WWOX: variants seen among roughly 807,000 people sequenced by gnomAD.
WWOX encodes WW domain-containing oxidoreductase.
WWOX carries 69 observed loss-of-function variants against 46.2 expected under a neutral mutation model. The ratio of observed to expected loss-of-function variants is 1.49; its 90% confidence interval spans 1.23 to 1.82. The LOEUF is 1.82. Ranked by LOEUF, WWOX falls within the 40% of genes most tolerant of loss-of-function variation. The pLI is 0.00. For synonymous variants in WWOX, 359 were observed against 202.6 expected, an observed-to-expected ratio of 1.77 and a Z score of -6.56; for missense variants, 919 against 542.6, an observed-to-expected ratio of 1.69 and a Z score of -6.89.
intron 8 of WWOX, among the ~76,000 whole-genome samples, chr16:78,823,339 G>A (rs746277771): frequency 7.2e-5 from 11 of 152,156 alleles, no homozygotes; most frequent in Non-Finnish European, 1.5e-4. Context: ...TGTGTCAGCC[G>A]CCTGTGTGAA....
intron 8 of WWOX, among the ~76,000 whole-genome samples, chr16:78,448,075 A>G (rs924525124): frequency 6.6e-6 from 1 of 152,136 alleles, no homozygotes; most frequent in Admixed American, 6.6e-5. Flanking sequence ...ATGTGTTGGG[A>G]TTACAGGTGT....
intron 8 of WWOX, among the ~76,000 whole-genome samples, chr16:78,941,206 A>G (rs13337252): frequency 0.23 from 35,213 of 152,080 alleles, 4,388 homozygotes; most frequent in African/African-American, 0.33. Flanking sequence ...GGATAAATCT[A>G]TCATGTAGTG....
chr16:78,274,751 T>G (rs1335228037), intron 5 of WWOX, among the ~76,000 whole-genome samples: 1 of 152,212 alleles, frequency 6.6e-6, no homozygotes, highest in African/African-American at 2.4e-5. Context: ...TAGAATCACC[T>G]TAGACACCTT....
intron 5 of WWOX, among the ~76,000 whole-genome samples, chr16:78,239,971 C>T (rs559365765): frequency 7.0e-6 from 1 of 143,276 alleles, no homozygotes; most frequent in South Asian, 2.3e-4. Flanking sequence ...GTTGGACAGA[C>T]ACAGGCAAGG....
chr16:78,167,549 C>A (rs968291413), intron 5 of WWOX: 1 of 152,164 alleles, frequency 6.6e-6, no homozygotes, highest in Non-Finnish European at 1.5e-5. Context: ...CACGTGGCTC[C>A]AGATGTTTAA....
At chr16:78,635,585 A>C (rs2046547874) in intron 8 of WWOX, among the ~76,000 whole-genome samples, 1 of 152,208 alleles carries the variant, frequency 6.6e-6, no homozygotes. Context: ...TCATCTACAA[A>C]ATGAAGATGT....
intron 8 of WWOX, among the ~76,000 whole-genome samples, chr16:79,058,624 G>A (rs2048307964): frequency 6.6e-6 from 1 of 152,090 alleles, no homozygotes; most frequent in Non-Finnish European, 1.5e-5. Flanking sequence ...CCTAATCCCT[G>A]GAAGGAAAAA....
chr16:79,110,099 C>T (rs1489169222), intron 8 of WWOX, among the ~76,000 whole-genome samples: 2 of 152,180 alleles, frequency 1.3e-5, no homozygotes, highest in African/African-American at 4.8e-5. Context: ...TTAGCAACCT[C>T]ATTGCACCCA....
At chr16:78,747,362 C>T (rs1341128900) in intron 8 of WWOX, among the ~76,000 whole-genome samples, 2 of 151,804 alleles carry the variant, frequency 1.3e-5, no homozygotes, top group Non-Finnish European at 2.9e-5. Context: ...TGTCTAATTT[C>T]TTATCTTTCT....
chr16:78,875,990 C>T (rs1484480973), intron 8 of WWOX, among the ~76,000 whole-genome samples: 2 of 152,104 alleles, frequency 1.3e-5, no homozygotes, highest in East Asian at 1.9e-4. Flanking sequence ...TTGAGTTATA[C>T]CCACTTTAGG....
At chr16:79,063,017 C>G (rs1210696749) in intron 8 of WWOX, among the ~76,000 whole-genome samples, 2 of 152,254 alleles carry the variant, frequency 1.3e-5, no homozygotes, top group Middle Eastern at 3.4e-3. Context: ...TGGCAGGTAC[C>G]CTGCTTGTTG....
At chr16:78,630,230 C>G (rs1303882906) in intron 8 of WWOX, among the ~76,000 whole-genome samples, 2 of 152,156 alleles carry the variant, frequency 1.3e-5, no homozygotes, top group Non-Finnish European at 2.9e-5. Flanking sequence ...GCACTGGGGT[C>G]CTATTTTGCT....
intron 8 of WWOX, among the ~76,000 whole-genome samples, chr16:78,732,842 G>T (rs1567522784): frequency 6.6e-6 from 1 of 152,184 alleles, no homozygotes; most frequent in Non-Finnish European, 1.5e-5. Context: ...CTTAGGCAGG[G>T]CTTAGGAATT....
chr16:78,818,765 G>A (rs951672698), intron 8 of WWOX, among the ~76,000 whole-genome samples: 38 of 152,144 alleles, frequency 2.5e-4, no homozygotes, highest in Admixed American at 1.3e-4. Flanking sequence ...TTAACTATTC[G>A]GGGCCTTAGT....
intron 8 of WWOX, among the ~76,000 whole-genome samples, chr16:78,743,992 T>C (rs571955435): frequency 3.3e-5 from 5 of 152,214 alleles, no homozygotes; most frequent in African/African-American, 7.2e-5. Context: ...TTTCATTCTT[T>C]CCTTGCTTTG....
chr16:78,797,123 G>T (rs1389432466), intron 8 of WWOX, among the ~76,000 whole-genome samples: 1 of 151,944 alleles, frequency 6.6e-6, no homozygotes, highest in Non-Finnish European at 1.5e-5. Context: ...ACTGTGCTGG[G>T]CCCCAACTTT....
At chr16:78,119,319 G>C (rs141863079) in intron 4 of WWOX, among the ~76,000 whole-genome samples, 2 of 152,174 alleles carry the variant, frequency 1.3e-5, no homozygotes, top group East Asian at 3.8e-4. Flanking sequence ...AGGGAATTTC[G>C]CATTGAGGAA....
intron 5 of WWOX, among the ~76,000 whole-genome samples, chr16:78,187,232 C>A (rs1448845430): frequency 6.6e-6 from 1 of 152,114 alleles, no homozygotes; most frequent in South Asian, 2.1e-4. Flanking sequence ...CCCATCCAAC[C>A]CACCCTTCAC....
intron 8 of WWOX, among the ~76,000 whole-genome samples, chr16:78,823,268 G>C (rs1357415102): frequency 6.6e-6 from 1 of 152,248 alleles, no homozygotes; most frequent in African/African-American, 2.4e-5. Context: ...TTTGCATTCT[G>C]CAGCTGGGGC....
Sources: gnomAD v4.1 joint callset for allele counts (sites outside exome capture counted in the v4.1 genomes callset) on GRCh38, gnomAD v4.1.1 for gene constraint, MANE v1.5 for transcripts, NCBI Gene and HGNC (gene_info 2026-07-23, HGNC 2026-07-21) for gene names.